The following AKAP10 variants were observed in gnomAD, a reference collection of about 807,000 sequenced individuals.
AKAP10 encodes A-kinase anchor protein 10, mitochondrial.
AKAP10 carries 24 observed loss-of-function variants against 80.8 expected under a neutral mutation model. The ratio of observed to expected loss-of-function variants is 0.30; its 90% CI spans 0.22 to 0.42. The LOEUF is 0.42. AKAP10 is among the 10% of genes least tolerant of loss of function. The pLI is 1.00. For missense variants in AKAP10, 661 were observed against 794.9 expected, an observed-to-expected ratio of 0.83 and a Z score of 2.03; for synonymous variants, 291 against 277.7, an observed-to-expected ratio of 1.05 and a Z score of -0.48.
intron 5 of AKAP10, 33 bp downstream of exon 5, chr17:19,947,372 ATT>A (rs527691797): frequency 3.9e-5 from 50 of 1,294,604 alleles, no homozygotes; most frequent in South Asian, 1.9e-4. Flanking sequence ...ATTTTTTGTC[ATT>A]TTTTTTTTGC....
Position 19,958,372 on chromosome 17 carries a change from A to C in AKAP10, c.519T>G (p.Ser173Arg). 6.2e-7 allele frequency: 1 copy of C among 1,614,228 alleles called. No homozygotes were observed. Among genetic ancestry groups the C allele is most frequent in the East Asian group, 2.2e-5 (1 of 44,890 alleles). Residue 173 changes from serine (S) to arginine (R), a missense_variant, in exon 4 of 15, where the codon AGT becomes AGG. Coordinates refer to ENST00000225737, the MANE Select transcript of AKAP10 (RefSeq NM_007202.4). ...GTGAGCTCTGCTTCACTGTGTTTAG[A>C]CTGTGTGCTCTTATTCGCGACCAAG... is the stretch of plus-strand genomic sequence containing the variant. ...STTWSRIRAH[S>R]LNTVKQSSLA... is the part of the protein sequence containing the mutation.
chr17:19,971,337 T>C (rs142490733), intron 1 of AKAP10, among the ~76,000 whole-genome samples: 10,245 of 151,696 alleles, frequency 0.068, 1,021 homozygotes, highest in African/African-American at 0.22. Flanking sequence ...GGTGAAACCC[T>C]GTGGCCACTA....
intron 14 of AKAP10, 23 bp downstream of exon 14, chr17:19,909,158 A>G (rs770007309): frequency 6.4e-7 from 1 of 1,571,058 alleles, no homozygotes; most frequent in Non-Finnish European, 8.6e-7. Context: ...TTTTTAGTTT[A>G]CACAAAACGA....
At chr17:19,932,688 T>C (rs1327483097) in intron 9 of AKAP10, among the ~76,000 whole-genome samples, 1 of 152,096 alleles carries the variant, frequency 6.6e-6, no homozygotes, top group East Asian at 1.9e-4. Context: ...AGGCGTGTGA[T>C]TGCTGAGTTA....
intron 2 of AKAP10, among the ~76,000 whole-genome samples, chr17:19,963,836 C>T (rs201085720): frequency 1.3e-5 from 2 of 151,684 alleles, no homozygotes; most frequent in East Asian, 3.9e-4. Flanking sequence ...GCGAAGGTTG[C>T]AGTGAGCTGA....
chr17:19,964,662 C>T (rs59283567), intron 2 of AKAP10, among the ~76,000 whole-genome samples: 1,589 of 152,224 alleles, frequency 0.01, 19 homozygotes, highest in African/African-American at 0.035. Flanking sequence ...GAGGCTGAGG[C>T]AGGCAGATCA....
At chr17:19,914,359 T>C (rs1046633909) in intron 12 of AKAP10, among the ~76,000 whole-genome samples, 1 of 151,950 alleles carries the variant, frequency 6.6e-6, no homozygotes, top group African/African-American at 2.4e-5. Context: ...AGACAGTGAA[T>C]AAGAAAATAG....
At chr17:19,945,880 G>A in intron 5 of AKAP10, among the ~76,000 whole-genome samples, 1 of 152,022 alleles carries the variant, frequency 6.6e-6, no homozygotes, top group East Asian at 1.9e-4. Flanking sequence ...TTATGAGAAT[G>A]TAATATTTAT....
At chr17:19,954,651 A>ATT (rs575010093) in intron 4 of AKAP10, among the ~76,000 whole-genome samples, 2,752 of 140,074 alleles carry the variant, frequency 0.02, 74 homozygotes, top group East Asian at 0.071. Context: ...CGCCCGGCTA[A>ATT]TTTTTTTTTT....
intron 5 of AKAP10, among the ~76,000 whole-genome samples, chr17:19,942,382 C>T (rs1393518847): frequency 6.6e-6 from 1 of 152,096 alleles, no homozygotes; most frequent in Non-Finnish European, 1.5e-5. Context: ...GGAGGCACTA[C>T]ACCTTTTATC....
At chr17:19,958,657 G>C in intron 3 of AKAP10, 86 bp from the exon 4 acceptor site, 1 of 1,126,904 alleles carries the variant, frequency 8.9e-7, no homozygotes, top group Non-Finnish European at 1.2e-6. Flanking sequence ...AGCAACAACT[G>C]GTACCAGAGA....
intron 12 of AKAP10, among the ~76,000 whole-genome samples, chr17:19,919,646 T>C (rs971078779): frequency 6.7e-6 from 1 of 150,032 alleles, no homozygotes; most frequent in African/African-American, 2.5e-5. Context: ...GTCAGACCAC[T>C]GCACTCCGGT....
intron 12 of AKAP10, among the ~76,000 whole-genome samples, chr17:19,911,511 C>T (rs972256382): frequency 7.2e-5 from 11 of 152,086 alleles, no homozygotes; most frequent in Non-Finnish European, 1.6e-4. Context: ...TCTCATTCTA[C>T]TGACAGGGAA....
At chr17:19,954,736 G>A (rs966413897) in intron 4 of AKAP10, among the ~76,000 whole-genome samples, 1 of 150,238 alleles carries the variant, frequency 6.7e-6, no homozygotes, top group African/African-American at 2.5e-5. Context: ...CTCGTAATCT[G>A]CCCACCTCAG....
At chr17:19,972,938 G>T (rs907287248) in intron 1 of AKAP10, among the ~76,000 whole-genome samples, 1 of 151,922 alleles carries the variant, frequency 6.6e-6, no homozygotes, top group African/African-American at 2.4e-5. Context: ...ATTTGTTTCT[G>T]CATCAGGGAT....
Position 19,905,405 on chromosome 17 carries a change from A to G in AKAP10, c.*822T>C, listed in dbSNP as rs959334480. 6.6e-6 allele frequency: 1 copy of G among 152,070 alleles called. No individual in the cohort carries two copies. The highest frequency in any genetic ancestry group is 1.5e-5 in the Non-Finnish European group (1 of 68,022). The allele number at this position is 152,070 out of a possible 1,614,324, so 9.4% of individuals were successfully genotyped here. A position where few individuals can be genotyped will look rare whatever the true frequency, so the allele number is the denominator to read the frequency against. On this transcript the variant is annotated 3_prime_UTR_variant, in exon 15 of 15. Coordinates refer to ENST00000225737, the MANE Select transcript of AKAP10 (RefSeq NM_007202.4). ...GCTTTGTTCAAGGTGCCACAGGGGC[A>G]AAAGTGGAGTCATCGCTATTTCTTT... is the stretch of plus-strand genomic sequence containing the variant.
At chr17:19,926,881 G>A (rs11658611) in intron 10 of AKAP10, among the ~76,000 whole-genome samples, 1,607 of 152,310 alleles carry the variant, frequency 0.011, 17 homozygotes, top group Non-Finnish European at 0.016. Flanking sequence ...AGCACTTTGG[G>A]AGGCCATGGC....
At chr17:19,969,432 G>C (rs2043466567) in intron 1 of AKAP10, among the ~76,000 whole-genome samples, 1 of 152,046 alleles carries the variant, frequency 6.6e-6, no homozygotes, top group South Asian at 2.1e-4. Context: ...TTCTGCTGTA[G>C]ATAAGCTAAT....
chr17:19,959,062 A>G (rs550687684), intron 3 of AKAP10, among the ~76,000 whole-genome samples: 79 of 152,194 alleles, frequency 5.2e-4, no homozygotes, highest in African/African-American at 1.8e-3. Flanking sequence ...CATGTTGGTC[A>G]GGATGGTCTC....
Sources: allele counts gnomAD v4.1 joint callset (sites outside exome capture counted in the v4.1 genomes callset), GRCh38; gene constraint gnomAD v4.1.1; transcripts MANE v1.5; gene names NCBI Gene and HGNC (gene_info 2026-07-23, HGNC 2026-07-21).